CA10: variants seen among roughly 807,000 people sequenced by gnomAD.
The protein encoded by CA10 is carbonic anhydrase-related protein 10.
Under a neutral mutation model 44.2 loss-of-function variants are expected in CA10, and 14 were observed. The ratio of observed to expected loss-of-function variants is 0.32; its 90% CI spans 0.21 to 0.50. The LOEUF (loss-of-function observed/expected upper bound fraction) is 0.50. Among genes scored for constraint, CA10 ranks in the 20% least tolerant of loss-of-function variants. The pLI, the probability that CA10 is intolerant of heterozygous loss-of-function variation, is 0.99. For missense variants in CA10, 350 were observed against 409.7 expected, an observed-to-expected ratio of 0.85 and a Z score of 1.26; for synonymous variants, 159 against 141.6, an observed-to-expected ratio of 1.12 and a Z score of -0.87.
At chr17:51,706,594 C>G (rs1414832691) in intron 4 of CA10, among the ~76,000 whole-genome samples, 2 of 152,156 alleles carry the variant, frequency 1.3e-5, no homozygotes, top group Non-Finnish European at 2.9e-5. Flanking sequence ...GGCTAACAGC[C>G]AGAAAAAACC....
At chr17:51,891,108 A>G (rs1324084338) in intron 3 of CA10, among the ~76,000 whole-genome samples, 1 of 152,206 alleles carries the variant, frequency 6.6e-6, no homozygotes, top group Non-Finnish European at 1.5e-5. Context: ...GTGGTATTTA[A>G]AACAAAACGA....
intron 2 of CA10, among the ~76,000 whole-genome samples, chr17:51,982,529 C>A (rs545401096): frequency 9.9e-4 from 151 of 152,046 alleles, no homozygotes; most frequent in Middle Eastern, 3.4e-3. Context: ...AAGAACATCC[C>A]AGTTTCACAT....
chr17:52,140,633 G>T (rs1237893053), intron 1 of CA10, among the ~76,000 whole-genome samples: 1 of 152,172 alleles, frequency 6.6e-6, no homozygotes, highest in African/African-American at 2.4e-5. Context: ...CTGTTTGTCA[G>T]CCCCTGCTCT....
intron 2 of CA10, among the ~76,000 whole-genome samples, chr17:51,975,464 A>C (rs1405094283): frequency 2.0e-5 from 3 of 152,212 alleles, no homozygotes; most frequent in African/African-American, 7.2e-5. Context: ...AAATCACCTG[A>C]GGCCAGGAGT....
chr17:51,652,806 C>T (rs962395315), intron 5 of CA10, among the ~76,000 whole-genome samples: 7 of 152,158 alleles, frequency 4.6e-5, no homozygotes, highest in African/African-American at 1.2e-4. Context: ...TTCCCAATTC[C>T]GATTGGGGCA....
At chr17:51,703,549 TG>T in intron 4 of CA10, among the ~76,000 whole-genome samples, 1 of 152,100 alleles carries the variant, frequency 6.6e-6, no homozygotes, top group Admixed American at 6.5e-5. Context: ...AGAGGATGTG[TG>T]TCAAGGGTGT....
chr17:51,907,509 A>C (rs1711970863), intron 3 of CA10, among the ~76,000 whole-genome samples: 1 of 152,088 alleles, frequency 6.6e-6, no homozygotes, highest in Admixed American at 6.6e-5. Context: ...TTATTGGTTT[A>C]ATATCTGTTC....
rs1472031268 is a variant in CA10 at position 51,737,474 on chromosome 17, T to G, written c.465+10159A>C. On this transcript the variant is annotated intron_variant, in intron 4 of 8. Coordinates refer to ENST00000451037, the MANE Select transcript of CA10 (RefSeq NM_020178.5). ...AATAACTAACTGACTTGTACAGCAC[T>G]TTATGGCTTAAAAAGCCCTATCACA... 3.3e-5 allele frequency among the ~76,000 whole-genome samples: 5 copies of G among 152,264 alleles called. 1 individual carries two copies. In the East Asian group the frequency reaches 9.7e-4, roughly 29 times the overall value.
intron 1 of CA10, among the ~76,000 whole-genome samples, chr17:52,119,481 A>C (rs893125009): frequency 6.6e-6 from 1 of 152,176 alleles, no homozygotes; most frequent in African/African-American, 2.4e-5. Context: ...TAAGTAAAGA[A>C]TGTTGCTTTC....
intron 2 of CA10, among the ~76,000 whole-genome samples, chr17:51,961,254 T>C (rs1218770578): frequency 7.3e-5 from 11 of 151,540 alleles, no homozygotes; most frequent in Non-Finnish European, 1.2e-4. Flanking sequence ...AACTGACTGA[T>C]ACACCTCATA....
chr17:52,068,422 G>A (rs1314300757), intron 2 of CA10, among the ~76,000 whole-genome samples: 1 of 152,208 alleles, frequency 6.6e-6, no homozygotes, highest in East Asian at 1.9e-4. Context: ...CCGGTCTCAG[G>A]CAGTTCTTTA....
intron 2 of CA10, among the ~76,000 whole-genome samples, chr17:51,939,684 T>C (rs1269012728): frequency 6.6e-6 from 1 of 152,136 alleles, no homozygotes; most frequent in Admixed American, 6.6e-5. Context: ...TATATTCTCA[T>C]ATGCTCATTG....
Position 51,695,512 on chromosome 17 carries a change from T to C in CA10, c.466-41776A>G, listed in dbSNP as rs372157007. ...TATAGAAATGCTATATTTTTGTACA[T>C]TGATTTTGTATCCTGAAACCTCACT... On this transcript the variant is annotated intron_variant, in intron 4 of 8. Coordinates refer to ENST00000451037, the MANE Select transcript of CA10 (RefSeq NM_020178.5). Among the ~76,000 whole-genome samples, 59 of 152,332 alleles carry C rather than the reference T, an allele frequency of 3.9e-4. 1 individual carries two copies. Among genetic ancestry groups the C allele is most frequent in the African/African-American group, 1.4e-3 (57 of 41,570 alleles).
intron 3 of CA10, among the ~76,000 whole-genome samples, chr17:51,817,738 T>A (rs936909063): frequency 2.0e-5 from 3 of 152,178 alleles, no homozygotes; most frequent in Non-Finnish European, 4.4e-5. Context: ...TTGTCCCATA[T>A]CTTTGCAGTG....
intron 3 of CA10, among the ~76,000 whole-genome samples, chr17:51,879,287 C>T (rs1598096509): frequency 6.6e-6 from 1 of 152,184 alleles, no homozygotes; most frequent in East Asian, 1.9e-4. Flanking sequence ...GGATAAACTA[C>T]CAGAATTGGA....
intron 2 of CA10, among the ~76,000 whole-genome samples, chr17:51,939,279 C>A (rs2144012457): frequency 6.6e-6 from 1 of 152,220 alleles, no homozygotes; most frequent in Admixed American, 6.5e-5. Context: ...AGTTTGAATG[C>A]ACTTCACTTT....
chr17:51,936,130 TGCCAGGCATTA>T (rs1213696819), intron 2 of CA10, among the ~76,000 whole-genome samples: 1 of 152,170 alleles, frequency 6.6e-6, no homozygotes, highest in Non-Finnish European at 1.5e-5. Flanking sequence ...GCCTCTGATG[TGCCAGGCATTA>T]GGGTTGGCAC....
chr17:51,706,059 T>C (rs1364655370), intron 4 of CA10, among the ~76,000 whole-genome samples: 1 of 152,234 alleles, frequency 6.6e-6, no homozygotes, highest in Non-Finnish European at 1.5e-5. Flanking sequence ...GAAGTCATAG[T>C]TCCAGCACCG....
intron 4 of CA10, among the ~76,000 whole-genome samples, chr17:51,707,671 A>ATTTGTGTGTGTG: frequency 7.0e-6 from 1 of 143,006 alleles, no homozygotes; most frequent in South Asian, 2.4e-4. Context: ...GTGGATGAAT[A>ATTTGTGTGTGTG]TGTGTGTGTG....
Sources: gnomAD v4.1 joint callset for allele counts (sites outside exome capture counted in the v4.1 genomes callset) on GRCh38, gnomAD v4.1.1 for gene constraint, MANE v1.5 for transcripts, NCBI Gene and HGNC (gene_info 2026-07-23, HGNC 2026-07-21) for gene names.